The following MTUS1 variants were observed in gnomAD, a reference collection of about 807,000 sequenced individuals.
MTUS1 encodes the protein microtubule associated scaffold protein 1.
MTUS1 carries 109 observed loss-of-function variants against 120.8 expected under a neutral mutation model. The ratio of observed to expected loss-of-function variants is 0.90; its 90% CI spans 0.77 to 1.06. The LOEUF is 1.06. Ranked by LOEUF, MTUS1 falls within the 50% of genes least tolerant of loss-of-function variation. The pLI is 0.00. For missense variants in MTUS1, 2,210 were observed against 1,486.3 expected, an observed-to-expected ratio of 1.49 and a Z score of -8.01; for synonymous variants, 737 against 550.5, an observed-to-expected ratio of 1.34 and a Z score of -4.74.
chr8:17,710,750 G>C (rs759795518), intron 6 of MTUS1, among the ~76,000 whole-genome samples: 2 of 152,152 alleles, frequency 1.3e-5, no homozygotes, highest in Non-Finnish European at 1.5e-5. Flanking sequence ...TCAGTATCTA[G>C]GGCAGCTACA....
chr8:17,649,531 T>C (rs544026887), intron 13 of MTUS1, among the ~76,000 whole-genome samples: 2 of 152,358 alleles, frequency 1.3e-5, no homozygotes, highest in South Asian at 2.1e-4. Context: ...GTACTGATTT[T>C]ACATAGATAT....
At chr8:17,679,823 G>A (rs11203898) in intron 7 of MTUS1, among the ~76,000 whole-genome samples, 85,364 of 151,914 alleles carry the variant, frequency 0.56, 25,024 homozygotes, top group Middle Eastern at 0.7. Flanking sequence ...TTATAATAGT[G>A]CTCAGTATAC....
In MTUS1 at chr8:17,764,988, G is replaced by A. The variant is rs13248680; in HGVS notation, c.-154-9027C>T. Among the ~76,000 whole-genome samples the A allele has an allele frequency of 9.9e-5, 15 of 152,246 alleles. No individual in the cohort carries two copies. The South Asian group carries it at 1.0e-3, about 11-fold the overall frequency. ...AAATAATTATATAACTCATCATAACGTAGAATCAGTGGGAGCCCTCAGTTT... is the reference window on the plus strand; with the variant it reads ...AAATAATTATATAACTCATCATAACATAGAATCAGTGGGAGCCCTCAGTTT... On this transcript the variant is annotated intron_variant, in intron 1 of 14. Coordinates refer to ENST00000693296, the MANE Select transcript of MTUS1 (RefSeq NM_001363059.2).
intron 8 of MTUS1, chr8:17,674,880 CATT>C (rs1812765702): frequency 8.5e-7 from 1 of 1,173,838 alleles, no homozygotes; most frequent in African/African-American, 1.6e-5. Flanking sequence ...AAAATGACAA[CATT>C]ATTTAACAGG....
chr8:17,757,287 A>C (rs111795328), intron 1 of MTUS1, among the ~76,000 whole-genome samples: 2,257 of 152,328 alleles, frequency 0.015, 67 homozygotes, highest in African/African-American at 0.051. Flanking sequence ...ATATCAAATG[A>C]AAGAAGCCAG....
At chr8:17,668,067 T>C (rs1246916976) in intron 8 of MTUS1, among the ~76,000 whole-genome samples, 1 of 152,172 alleles carries the variant, frequency 6.6e-6, no homozygotes, top group Non-Finnish European at 1.5e-5. Context: ...CTGTTAATTG[T>C]GATGGCTCAA....
chr8:17,707,093 G>T (rs1820322775), intron 6 of MTUS1, among the ~76,000 whole-genome samples: 1 of 152,090 alleles, frequency 6.6e-6, no homozygotes, highest in Non-Finnish European at 1.5e-5. Flanking sequence ...ACACTCAGAG[G>T]AACATGTTTA....
chr8:17,780,447 G>A (rs186731526), intron 1 of MTUS1, among the ~76,000 whole-genome samples: 1 of 152,106 alleles, frequency 6.6e-6, no homozygotes, highest in African/African-American at 2.4e-5. Flanking sequence ...GTCTAAAAGG[G>A]AACTCTGGGC....
chr8:17,764,434 T>C (rs2131398537), intron 1 of MTUS1, among the ~76,000 whole-genome samples: 1 of 150,624 alleles, frequency 6.6e-6, no homozygotes, highest in East Asian at 1.9e-4. Flanking sequence ...TCTATGTACC[T>C]GCAATTTTAT....
chr8:17,698,399 T>C (rs888124707), intron 6 of MTUS1, among the ~76,000 whole-genome samples: 2 of 151,878 alleles, frequency 1.3e-5, no homozygotes, highest in Non-Finnish European at 2.9e-5. Context: ...CCAAAAGAAC[T>C]TGAAAAACAA....
chr8:17,715,711 A>G, intron 5 of MTUS1, 56 bp downstream of exon 5: 2 of 1,530,852 alleles, frequency 1.3e-6, no homozygotes, highest in South Asian at 1.3e-5. Context: ...ACTTTCTACA[A>G]GCCAAGGACT....
chr8:17,713,916 T>C (rs1393301612), intron 5 of MTUS1, among the ~76,000 whole-genome samples: 2 of 152,206 alleles, frequency 1.3e-5, no homozygotes, highest in African/African-American at 2.4e-5. Context: ...AAAGCACTGA[T>C]TCCCACACAG....
At chr8:17,653,382 A>ATTT in intron 11 of MTUS1, 43 bp downstream of exon 11, 1 of 1,499,084 alleles carries the variant, frequency 6.7e-7, no homozygotes. Flanking sequence ...CAAAAATGAT[A>ATTT]TTTTTTTTTG....
intron 6 of MTUS1, among the ~76,000 whole-genome samples, chr8:17,692,817 A>G (rs894262988): frequency 6.6e-6 from 1 of 152,166 alleles, no homozygotes; most frequent in Non-Finnish European, 1.5e-5. Context: ...GTTTACCTAT[A>G]TAACAAACCT....
At chr8:17,722,838 G>C (rs2045938642) in intron 4 of MTUS1, among the ~76,000 whole-genome samples, 1 of 152,114 alleles carries the variant, frequency 6.6e-6, no homozygotes. Flanking sequence ...AGCCTCATGA[G>C]CATTATTACA....
chr8:17,713,120 T>A, intron 6 of MTUS1, 94 bp downstream of exon 6: 1 of 1,020,996 alleles, frequency 9.8e-7, no homozygotes, highest in Non-Finnish European at 1.5e-6. Flanking sequence ...ATTCTACTTA[T>A]AAGCACACCA....
chr8:17,657,482 G>T (rs1808621299), intron 8 of MTUS1, among the ~76,000 whole-genome samples: 1 of 149,868 alleles, frequency 6.7e-6, no homozygotes. Context: ...GCAGGAGAAT[G>T]GCGTGAACCC....
rs757234746 is a variant in MTUS1, at chr8:17,753,746, C to G, written c.2062G>C (p.Glu688Gln). The G allele has an allele frequency of 6.2e-7, 1 of 1,607,176 alleles. No individual in the cohort carries two copies. The highest frequency in any genetic ancestry group is 1.7e-5 in the Admixed American group (1 of 58,512). The change falls in exon 2 of 15, where the codon GAG becomes CAG. Residue 688 changes from glutamate to glutamine, a missense_variant. Glu to Gln is a conservative substitution (Grantham distance 29). Coordinates refer to ENST00000693296, the MANE Select transcript of MTUS1 (RefSeq NM_001363059.2). ...KQELKQEIMN[E>Q]TFEYGSLFLG... ...AACAGAGAACCATATTCAAAAGTCT[C>G]ATTCATAATCTCTTGTTTCAGCTCT... is the stretch of plus-strand genomic sequence containing the variant.
chr8:17,678,178 T>G (rs1813505029), intron 7 of MTUS1, among the ~76,000 whole-genome samples: 1 of 152,184 alleles, frequency 6.6e-6, no homozygotes, highest in Non-Finnish European at 1.5e-5. Flanking sequence ...GGCCTTTACA[T>G]GTACTTACCC....
Sources: gnomAD v4.1 joint callset for allele counts (sites outside exome capture counted in the v4.1 genomes callset) on GRCh38, gnomAD v4.1.1 for gene constraint, MANE v1.5 for transcripts, NCBI Gene and HGNC (gene_info 2026-07-23, HGNC 2026-07-21) for gene names.